The following TTL variants were observed in gnomAD, a reference collection of about 807,000 sequenced individuals.
TTL encodes tubulin tyrosine ligase, also known as tubulin--tyrosine ligase.
TTL carries 10 observed loss-of-function variants against 41.1 expected under a neutral mutation model. That is an observed-to-expected ratio of 0.24 (90% CI 0.15 to 0.41). The LOEUF (loss-of-function observed/expected upper bound fraction) is 0.41, where lower values mean the gene tolerates loss of function less well. Ranked by LOEUF, TTL falls within the 10% of genes least tolerant of loss-of-function variation. TTL has a pLI of 1.00. For synonymous variants in TTL, 175 were observed against 175.5 expected (o/e 1.00, Z 0.02); for missense variants, 367 against 460.4 (o/e 0.80, Z 1.86).
In TTL at chr2:112,541,660, C is replaced by CT. The variant is rs1485344310; in HGVS notation, c.*12868dup. The CT allele has an allele frequency of 2.2e-5, 4 of 181,938 alleles. No homozygotes were observed. In the East Asian group the frequency reaches 6.2e-4, roughly 28 times the overall value. The allele number at this position is 181,938 out of a possible 1,614,324, so 11.3% of individuals were successfully genotyped here. On this transcript the variant is annotated 3_prime_UTR_variant, in exon 7 of 7. Coordinates refer to ENST00000233336, the MANE Select transcript of TTL (RefSeq NM_153712.5). ...CATAGGTCAAAACTTAACGCGTACA[C>CT]TTTAAATGTGTGGTTTATTGTATGC...
intron 5 of TTL, among the ~76,000 whole-genome samples, chr2:112,513,200 A>G (rs948327365): frequency 2.0e-5 from 3 of 152,142 alleles, no homozygotes; most frequent in African/African-American, 4.8e-5. Flanking sequence ...TTGCACAGGT[A>G]TGATAGATTA....
rs550914393 is a variant in TTL, at chr2:112,482,172, C to G, written c.-173C>G. 1,208 of 193,042 alleles carry G rather than the reference C, an allele frequency of 6.3e-3. 12 individuals carry two copies. The highest frequency in any genetic ancestry group is 0.027 in the African/African-American group (1,139 of 41,602). 12.0% of individuals were successfully genotyped at this position (193,042 alleles called of 1,614,324 possible). A position where few individuals can be genotyped will look rare whatever the true frequency, so the allele number is the denominator to read the frequency against. On this transcript the variant is annotated 5_prime_UTR_variant, in exon 1 of 7. Coordinates refer to ENST00000233336, the MANE Select transcript of TTL (RefSeq NM_153712.5). The surrounding 1 kb of genome is among the most constrained non-coding windows in gnomAD (Gnocchi z 5.3). The stretch of plus-strand genomic sequence containing the variant: ...GCGAGCGGCGCTTTCCTCTCCGGCA[C>G]CCGGCGGGCGCCCGGGCGCGGCGCC...
chr2:112,520,071 C>A (rs141061850), intron 5 of TTL, among the ~76,000 whole-genome samples: 10 of 143,886 alleles, frequency 6.9e-5, no homozygotes, highest in East Asian at 2.0e-4. Context: ...CGGAGGTTGC[C>A]ATGAGCCAAG....
intron 4 of TTL, 53 bp downstream of exon 4, chr2:112,501,394 A>G: frequency 6.8e-7 from 1 of 1,480,370 alleles, no homozygotes; most frequent in South Asian, 1.3e-5. Context: ...AAAAACTGCC[A>G]TGGTATGTGG....
intron 2 of TTL, among the ~76,000 whole-genome samples, chr2:112,491,715 T>C (rs1199830126): frequency 6.6e-6 from 1 of 152,242 alleles, no homozygotes; most frequent in South Asian, 2.1e-4. Context: ...TTTCATTAAT[T>C]TTTTTGAGCA....
At chr2:112,517,436 A>G (rs1307668791) in intron 5 of TTL, among the ~76,000 whole-genome samples, 3 of 151,534 alleles carry the variant, frequency 2.0e-5, no homozygotes, top group Non-Finnish European at 4.4e-5. Flanking sequence ...TTTAGTAGAG[A>G]TGAGGTTTCA....
Position 112,540,650 on chromosome 2 carries a change from A to G in TTL, c.*11855A>G, listed in dbSNP as rs1334710865. 2 of 152,218 alleles carry G rather than the reference A, an allele frequency of 1.3e-5. No individual in the cohort carries two copies. Among genetic ancestry groups the G allele is most frequent in the Non-Finnish European group, 2.9e-5 (2 of 68,042 alleles). The allele number at this position is 152,218 out of a possible 1,614,324, so 9.4% of individuals were successfully genotyped here. On this transcript the variant is annotated 3_prime_UTR_variant, in exon 7 of 7. Coordinates refer to ENST00000233336, the MANE Select transcript of TTL (RefSeq NM_153712.5). ...TGTAGATAGACATACAGATCAAGAG[A>G]ATAGAACTGAGAGTCAAAAATAAAC...
chr2:112,538,230 A>G lies in TTL; in HGVS notation c.*9435A>G, dbSNP rs1394522487. ...GTCTCCTAAAAAATAGAAGAGAAGA[A>G]AATACTCCTCAATTGAGAAGAGTGT... On this transcript the variant is annotated 3_prime_UTR_variant, in exon 7 of 7. Coordinates refer to ENST00000233336, the MANE Select transcript of TTL (RefSeq NM_153712.5). 1 of 152,214 alleles carries G rather than the reference A, an allele frequency of 6.6e-6. No homozygotes were observed. Among genetic ancestry groups the G allele is most frequent in the South Asian group, 2.1e-4 (1 of 4,836 alleles). The allele number at this position is 152,214 out of a possible 1,614,324, so 9.4% of individuals were successfully genotyped here.
intron 3 of TTL, among the ~76,000 whole-genome samples, chr2:112,499,046 C>T (rs997545835): frequency 2.0e-4 from 30 of 152,016 alleles, no homozygotes; most frequent in African/African-American, 6.5e-4. Flanking sequence ...GGGCCAGGCA[C>T]GGTGGCTCTC....
At chr2:112,502,105 G>A (rs962818996) in intron 4 of TTL, among the ~76,000 whole-genome samples, 1 of 152,116 alleles carries the variant, frequency 6.6e-6, no homozygotes, top group African/African-American at 2.4e-5. Flanking sequence ...CAAAGGGCTT[G>A]GCATGGAGAA....
chr2:112,498,049 C>T (rs1238372191), intron 3 of TTL, among the ~76,000 whole-genome samples: 4 of 152,160 alleles, frequency 2.6e-5, no homozygotes, highest in Admixed American at 6.5e-5. Flanking sequence ...CTTAGCTGGG[C>T]GCAGTGGCTC....
At chr2:112,485,257 C>G (rs1681210896) in intron 1 of TTL, among the ~76,000 whole-genome samples, 1 of 152,142 alleles carries the variant, frequency 6.6e-6, no homozygotes, top group Non-Finnish European at 1.5e-5. Flanking sequence ...GCTGAAAACA[C>G]TTTTTATTTT....
At chr2:112,497,115 C>T (rs956389403) in intron 3 of TTL, among the ~76,000 whole-genome samples, 66 of 151,858 alleles carry the variant, frequency 4.3e-4, no homozygotes, top group Admixed American at 1.2e-3. Context: ...CCACCGTGCC[C>T]GGGCCCGCTC....
chr2:112,532,658 G>A lies in TTL; in HGVS notation c.*3863G>A, dbSNP rs546945536. The A allele has an allele frequency of 7.8e-5, 14 of 180,310 alleles. No individual in the cohort carries two copies. Among genetic ancestry groups the A allele is most frequent in the South Asian group, 2.0e-4 (1 of 5,056 alleles). 11.2% of individuals were successfully genotyped at this position (180,310 alleles called of 1,614,324 possible). The stretch of plus-strand genomic sequence containing the variant: ...AAAGTAAATATAAATCCATGATGCC[G>A]TTACTCAGGGGTAGACAGACTTTCT... On this transcript the variant is annotated 3_prime_UTR_variant, in exon 7 of 7. Transcript: ENST00000233336.
rs988363096 is a variant in TTL at position 112,529,075 on chromosome 2, G to A, written c.*280G>A. 9.8e-5 allele frequency: 47 copies of A among 481,038 alleles called. No individual in the cohort carries two copies. The highest frequency in any genetic ancestry group is 1.2e-4 in the Non-Finnish European group (32 of 263,390). The allele number at this position is 481,038 out of a possible 1,614,324, so 29.8% of individuals were successfully genotyped here. A position where few individuals can be genotyped will look rare whatever the true frequency, so the allele number is the denominator to read the frequency against. On this transcript the variant is annotated 3_prime_UTR_variant, in exon 7 of 7. Coordinates refer to ENST00000233336, the MANE Select transcript of TTL (RefSeq NM_153712.5). ...GAGCAGAGCTCCTTCCCCTCTCCCC[G>A]GGAACGGCAGGGCACTGGGACCTCT...
chr2:112,539,208 A>G lies in TTL; in HGVS notation c.*10413A>G, dbSNP rs1239921742. 2 of 151,628 alleles carry G rather than the reference A, an allele frequency of 1.3e-5. No homozygotes were observed. Among genetic ancestry groups the G allele is most frequent in the South Asian group, 2.1e-4 (1 of 4,814 alleles). 9.4% of individuals were successfully genotyped at this position (151,628 alleles called of 1,614,324 possible). Reference sequence around the variant, plus strand: ...GGGGAGCAAAGATTGAAAACTACCTATTGGATACTGTGCTCGCTACCTGGG... The same window carrying G: ...GGGGAGCAAAGATTGAAAACTACCTGTTGGATACTGTGCTCGCTACCTGGG... On this transcript the variant is annotated 3_prime_UTR_variant, in exon 7 of 7. Coordinates refer to ENST00000233336, the MANE Select transcript of TTL (RefSeq NM_153712.5).
At chr2:112,523,181 C>G (rs1476460462) in intron 6 of TTL, among the ~76,000 whole-genome samples, 2 of 152,204 alleles carry the variant, frequency 1.3e-5, no homozygotes, top group African/African-American at 4.8e-5. Flanking sequence ...ACCACCACCA[C>G]CAGCCTTACC....
Position 112,520,327 on chromosome 2 carries a change from C to A in TTL, c.921C>A (p.Leu307=). Residue 307 remains leucine (L), a synonymous_variant, in exon 6 of 7, where the codon CTC becomes CTA. Coordinates refer to ENST00000233336, the MANE Select transcript of TTL (RefSeq NM_153712.5). The stretch of plus-strand genomic sequence containing the variant: ...AGCCTGCCATTAGCACCAAGCACCT[C>A]CCTTACCAGAGCTTCCAGCTCTTCG... ...SVEPAISTKH[L]PYQSFQLFGF... The A allele has an allele frequency of 6.2e-7, 1 of 1,614,204 alleles. No individual in the cohort carries two copies.
At position 112,533,086 on chromosome 2, in the gene TTL, G is replaced by A. The variant is rs946383041; in HGVS notation, c.*4291G>A. 7 of 152,242 alleles carry A rather than the reference G, an allele frequency of 4.6e-5. No individual in the cohort carries two copies. The highest frequency in any genetic ancestry group is 1.7e-4 in the African/African-American group (7 of 41,454). 9.4% of individuals were successfully genotyped at this position (152,242 alleles called of 1,614,324 possible). On this transcript the variant is annotated 3_prime_UTR_variant, in exon 7 of 7. Coordinates refer to ENST00000233336, the MANE Select transcript of TTL (RefSeq NM_153712.5). ...AACTTGTAACTTCTTGTGCAATAAG[G>A]CTGAATGCTTTGGACATCTTTCCTT... is the stretch of plus-strand genomic sequence containing the variant.
Sources: gnomAD v4.1 joint callset for allele counts (sites outside exome capture counted in the v4.1 genomes callset) on GRCh38, gnomAD v4.1.1 for gene constraint, Gnocchi (gnomAD v3.1) non-coding constraint, MANE v1.5 for transcripts, NCBI Gene and HGNC (gene_info 2026-07-23, HGNC 2026-07-21) for gene names.